Variants in ENPP1 observed in about 807,000 individuals in gnomAD.
ENPP1 encodes the protein ectonucleotide pyrophosphatase/phosphodiesterase family member 1.
ENPP1 carries 73 observed loss-of-function variants against 122.8 expected under a neutral mutation model. The observed-to-expected ratio is 0.59, with a 90% CI of 0.49 to 0.72. The LOEUF (loss-of-function observed/expected upper bound fraction) is 0.72. Ranked by LOEUF, ENPP1 falls within the 30% of genes least tolerant of loss-of-function variation. ENPP1 has a pLI of 0.00. For missense variants in ENPP1, 978 were observed against 1,128.1 expected (o/e 0.87, Z 1.91); for synonymous variants, 367 against 391.6 (o/e 0.94, Z 0.74).
At chr6:131,846,531 C>G (rs1257100438) in intron 1 of ENPP1, among the ~76,000 whole-genome samples, 1 of 152,108 alleles carries the variant, frequency 6.6e-6, no homozygotes, top group East Asian at 1.9e-4. Context: ...CTAGGAAACT[C>G]TTTCTGATCT....
At chr6:131,821,837 C>A (rs1781488377) in intron 1 of ENPP1, among the ~76,000 whole-genome samples, 1 of 152,178 alleles carries the variant, frequency 6.6e-6, no homozygotes, top group Non-Finnish European at 1.5e-5. Flanking sequence ...TGACACAAAA[C>A]CAAAACAAAG....
intron 4 of ENPP1, among the ~76,000 whole-genome samples, chr6:131,851,708 A>G (rs1781883972): frequency 1.3e-5 from 2 of 152,144 alleles, no homozygotes; most frequent in Admixed American, 6.5e-5. Context: ...TTGTTTAGAA[A>G]GATTCGAGGG....
intron 1 of ENPP1, among the ~76,000 whole-genome samples, chr6:131,814,492 A>C (rs919573120): frequency 3.3e-5 from 5 of 152,224 alleles, no homozygotes; most frequent in African/African-American, 1.2e-4. Flanking sequence ...CATAGATTCA[A>C]GTTGCCCTGA....
chr6:131,813,386 A>C (rs911347724), intron 1 of ENPP1, among the ~76,000 whole-genome samples: 1 of 151,926 alleles, frequency 6.6e-6, no homozygotes, highest in Non-Finnish European at 1.5e-5. Flanking sequence ...AAAAATTAGC[A>C]GGGCATGGTA....
chr6:131,886,475 A>T, intron 23 of ENPP1, 87 bp from the exon 24 acceptor site: 1 of 943,098 alleles, frequency 1.1e-6, no homozygotes. Context: ...TGATTTTTAT[A>T]TGTATTAAAA....
At chr6:131,832,798 A>G (rs1266904878) in intron 1 of ENPP1, among the ~76,000 whole-genome samples, 1 of 152,132 alleles carries the variant, frequency 6.6e-6, no homozygotes, top group Non-Finnish European at 1.5e-5. Flanking sequence ...TGTGCACGGA[A>G]TGGTTGGGAT....
intron 1 of ENPP1, among the ~76,000 whole-genome samples, chr6:131,842,163 C>T (rs767764479): frequency 6.6e-6 from 1 of 152,100 alleles, no homozygotes; most frequent in Non-Finnish European, 1.5e-5. Context: ...CTGTGTTAAT[C>T]GTAATCTGTC....
chr6:131,826,758 A>C (rs1781551027), intron 1 of ENPP1: 1 of 474,218 alleles, frequency 2.1e-6, no homozygotes, highest in Non-Finnish European at 3.9e-6. Flanking sequence ...GCTACTCTGC[A>C]AGTAGAGGGT....
At chr6:131,825,297 TTTG>T (rs970520756) in intron 1 of ENPP1, among the ~76,000 whole-genome samples, 3 of 152,080 alleles carry the variant, frequency 2.0e-5, no homozygotes, top group Non-Finnish European at 4.4e-5. Flanking sequence ...ACACTGTCTT[TTTG>T]TTGTTGTTGT....
At chr6:131,848,418 C>G (rs533988616) in intron 2 of ENPP1, among the ~76,000 whole-genome samples, 5 of 152,050 alleles carry the variant, frequency 3.3e-5, no homozygotes, top group Non-Finnish European at 7.4e-5. Flanking sequence ...TAGTTCCCCC[C>G]CCATCCTCTC....
intron 21 of ENPP1, among the ~76,000 whole-genome samples, chr6:131,883,405 A>G (rs1782337697): frequency 6.6e-6 from 1 of 152,210 alleles, no homozygotes; most frequent in African/African-American, 2.4e-5. Flanking sequence ...AATTCCTTTT[A>G]GTTGAAATGA....
At chr6:131,837,175 TG>T (rs1781685094) in intron 1 of ENPP1, among the ~76,000 whole-genome samples, 1 of 100,692 alleles carries the variant, frequency 9.9e-6, no homozygotes, top group Admixed American at 8.6e-5. Context: ...GTTGTCATTG[TG>T]TGTGTGTGTG....
chr6:131,811,686 CA>C, intron 1 of ENPP1, among the ~76,000 whole-genome samples: 1 of 152,218 alleles, frequency 6.6e-6, no homozygotes, highest in African/African-American at 2.4e-5. Context: ...CTGTCAGGAA[CA>C]AAATGCTTTT....
intron 1 of ENPP1, among the ~76,000 whole-genome samples, chr6:131,845,097 C>A (rs775097393): frequency 8.4e-6 from 1 of 119,042 alleles, no homozygotes; most frequent in East Asian, 2.9e-4. Context: ...TTCACTGTGT[C>A]GCCCAGGCTG....
rs1298989560 is a variant in ENPP1 at position 131,851,096 on chromosome 6, G to GT, written c.431-44dup. 1.9e-6 allele frequency: 3 copies of GT among 1,609,214 alleles called. No individual in the cohort carries two copies. The South Asian group carries it at 3.3e-5, about 18-fold the overall frequency. ...GCAATTCTGTGTTCACTTTGGACAT[G>GT]TTGAATTTGAGACATAAAACACATT... On this transcript the variant is annotated intron_variant, in intron 3 of 24. Transcript: ENST00000647893.
rs1368523613 is a variant in ENPP1 at position 131,808,126 on chromosome 6, C to A, written c.91C>A (p.Arg31=). ...REGPAGNGRD[R]GRSHAAEAPG... is the part of the protein sequence containing the mutation. ...GGGCCCGGCGGGGAACGGCCGCGAT[C>A]GGGGCCGCAGCCACGCTGCCGAGGC... The change falls in exon 1 of 25, where the codon CGG becomes AGG. Residue 31 remains arginine, a synonymous_variant. Coordinates refer to ENST00000647893, the MANE Select transcript of ENPP1 (RefSeq NM_006208.3). 4 of 1,299,788 alleles carry A rather than the reference C, an allele frequency of 3.1e-6. No homozygotes were observed. Among genetic ancestry groups the A allele is most frequent in the Admixed American group, 3.9e-5 (1 of 25,594 alleles). The allele number at this position is 1,299,788 out of a possible 1,614,324, so 80.5% of individuals were successfully genotyped here.
intron 6 of ENPP1, among the ~76,000 whole-genome samples, 191 bp from the exon 7 acceptor site, chr6:131,858,477 T>G (rs921557525): frequency 2.6e-5 from 4 of 152,202 alleles, no homozygotes; most frequent in African/African-American, 9.6e-5. Flanking sequence ...AAGAGAAAAA[T>G]GAAGTCATCT....
intron 1 of ENPP1, among the ~76,000 whole-genome samples, chr6:131,822,582 T>TTA (rs1424346670): frequency 2.0e-5 from 3 of 149,870 alleles, no homozygotes; most frequent in African/African-American, 4.9e-5. Flanking sequence ...ATATCACTTT[T>TTA]AAAAAAAAAA....
chr6:131,829,840 G>A (rs1781588420), intron 1 of ENPP1, among the ~76,000 whole-genome samples: 1 of 152,074 alleles, frequency 6.6e-6, no homozygotes, highest in South Asian at 2.1e-4. Context: ...CCACTGCAGG[G>A]GTCCCACCCG....
Sources: gnomAD v4.1 joint callset for allele counts (sites outside exome capture counted in the v4.1 genomes callset) on GRCh38, gnomAD v4.1.1 for gene constraint, MANE v1.5 for transcripts, NCBI Gene and HGNC (gene_info 2026-07-23, HGNC 2026-07-21) for gene names.